ARHGEF7: variants seen among roughly 807,000 people sequenced by gnomAD.
The protein encoded by ARHGEF7 is Rho guanine nucleotide exchange factor 7.
A neutral mutation model predicts 109.8 loss-of-function variants in ARHGEF7; 33 were observed. The observed-to-expected ratio is 0.30, with a 90% CI of 0.23 to 0.40. The LOEUF (loss-of-function observed/expected upper bound fraction) is 0.40, where lower values mean the gene tolerates loss of function less well. Ranked by LOEUF, ARHGEF7 falls within the 10% of genes least tolerant of loss-of-function variation. The probability of loss-of-function intolerance (pLI) is 1.00; values close to 1 mark genes in which losing one functional copy is unlikely to be tolerated. For synonymous variants in ARHGEF7, 458 were observed against 424.6 expected, an observed-to-expected ratio of 1.08 and a Z score of -0.97; for missense variants, 938 against 1,098.5, an observed-to-expected ratio of 0.85 and a Z score of 2.07.
intron 17 of ARHGEF7, among the ~76,000 whole-genome samples, chr13:111,286,571 T>C (rs760074419): frequency 6.6e-6 from 1 of 152,200 alleles, no homozygotes; most frequent in Non-Finnish European, 1.5e-5. Context: ...CCACACTTCC[T>C]GAAGTGCCAG....
At chr13:111,198,061 G>A (rs1021628064) in intron 2 of ARHGEF7, among the ~76,000 whole-genome samples, 4 of 152,054 alleles carry the variant, frequency 2.6e-5, no homozygotes, top group Non-Finnish European at 5.9e-5. Context: ...TCTGTTGACC[G>A]TTGGCTCAGC....
intron 2 of ARHGEF7, among the ~76,000 whole-genome samples, chr13:111,192,461 C>T (rs769025430): frequency 8.5e-5 from 13 of 152,232 alleles, no homozygotes; most frequent in South Asian, 8.3e-4. Context: ...CGAAGTTGGC[C>T]GTTTCCTGAT....
intron 6 of ARHGEF7, 95 bp from the exon 7 acceptor site, chr13:111,243,777 A>G: frequency 1.3e-6 from 1 of 748,192 alleles, no homozygotes; most frequent in Non-Finnish European, 2.2e-6. Context: ...AACAGTGTGA[A>G]TTGAACAATG....
At chr13:111,133,795 ATATATATATATAT>A (rs1566606848) in intron 1 of ARHGEF7, among the ~76,000 whole-genome samples, 2,975 of 48,140 alleles carry the variant, frequency 0.062, 220 homozygotes, top group East Asian at 0.086. Context: ...ATATATATAT[ATATATATATATAT>A]ATATATTTAT....
chr13:111,226,676 A>G (rs2153516053), intron 5 of ARHGEF7, among the ~76,000 whole-genome samples: 1 of 152,354 alleles, frequency 6.6e-6, no homozygotes, highest in South Asian at 2.1e-4. Flanking sequence ...GGAGACATAC[A>G]AAGAAATTAA....
chr13:111,134,862 C>T (rs1440798865), intron 1 of ARHGEF7, among the ~76,000 whole-genome samples: 1 of 152,110 alleles, frequency 6.6e-6, no homozygotes, highest in African/African-American at 2.4e-5. Context: ...TCATGAAGTC[C>T]TTGCCCATGC....
chr13:111,126,545 G>T (rs966453914), intron 1 of ARHGEF7, among the ~76,000 whole-genome samples: 1 of 151,392 alleles, frequency 6.6e-6, no homozygotes. Flanking sequence ...CTTGTGACTT[G>T]TGACAAAGGT....
At chr13:111,225,264 A>G (rs2085039279) in intron 5 of ARHGEF7, among the ~76,000 whole-genome samples, 1 of 152,058 alleles carries the variant, frequency 6.6e-6, no homozygotes, top group African/African-American at 2.4e-5. Context: ...TTTTATTTGC[A>G]TTTATGCTTA....
At chr13:111,295,748 A>G (rs1252193310) in intron 19 of ARHGEF7, among the ~76,000 whole-genome samples, 1 of 152,226 alleles carries the variant, frequency 6.6e-6, no homozygotes, top group Non-Finnish European at 1.5e-5. Flanking sequence ...AATGGCCTAG[A>G]TGACTTTTGG....
At chr13:111,234,627 C>T (rs1344660982) in intron 6 of ARHGEF7, among the ~76,000 whole-genome samples, 2 of 152,224 alleles carry the variant, frequency 1.3e-5, no homozygotes, top group African/African-American at 4.8e-5. Flanking sequence ...CATGCCACTT[C>T]TCTTACATTA....
chr13:111,224,272 G>A (rs1016574960), intron 5 of ARHGEF7, among the ~76,000 whole-genome samples: 3 of 134,692 alleles, frequency 2.2e-5, no homozygotes, highest in African/African-American at 8.4e-5. Context: ...AAGGAGAGAA[G>A]CAGCAAGGTC....
chr13:111,159,234 A>G (rs1372887658), intron 2 of ARHGEF7: 2 of 614,650 alleles, frequency 3.3e-6, no homozygotes, highest in Non-Finnish European at 5.8e-6. Context: ...TAAAAGTCTG[A>G]CTAGTATTCT....
chr13:111,249,685 G>C (rs546013822), intron 8 of ARHGEF7, among the ~76,000 whole-genome samples: 10 of 152,232 alleles, frequency 6.6e-5, no homozygotes, highest in Admixed American at 6.5e-4. Flanking sequence ...AATAGAACTC[G>C]GTTTTAGGGC....
At chr13:111,205,081 G>T (rs7317770) in intron 2 of ARHGEF7, among the ~76,000 whole-genome samples, 1 of 152,048 alleles carries the variant, frequency 6.6e-6, no homozygotes, top group African/African-American at 2.4e-5. Flanking sequence ...GCCTAATGCC[G>T]AGGGGGGACC....
intron 19 of ARHGEF7, among the ~76,000 whole-genome samples, chr13:111,298,745 C>T (rs1480819343): frequency 1.3e-5 from 2 of 152,242 alleles, no homozygotes; most frequent in Non-Finnish European, 2.9e-5. Context: ...ATGTGAGGAG[C>T]TGGGCCCTCT....
rs957526929 is a variant in ARHGEF7 at position 111,272,139 on chromosome 13, T to TC, written c.1074-1672dup. ...GAATCGGTTTCATTGGAGGACATTC[T>TC]CCCTGGCTGCCCTGGCAGGGGATCC... On this transcript the variant is annotated intron_variant, in intron 9 of 21. Coordinates refer to ENST00000646102, the MANE Select transcript of ARHGEF7 (RefSeq NM_001354046.2). The surrounding 1 kb of genome is among the most constrained non-coding windows in gnomAD (Gnocchi z 5.2). Among the ~76,000 whole-genome samples the TC allele has an allele frequency of 6.6e-6, 1 of 152,210 alleles. No homozygotes were observed. The highest frequency in any genetic ancestry group is 2.4e-5 in the African/African-American group (1 of 41,460).
At chr13:111,124,969 A>T (rs1445338113) in intron 1 of ARHGEF7, among the ~76,000 whole-genome samples, 2 of 152,170 alleles carry the variant, frequency 1.3e-5, no homozygotes, top group African/African-American at 4.8e-5. Context: ...CATGTTGGCC[A>T]GGCTGGTCTC....
intron 8 of ARHGEF7, among the ~76,000 whole-genome samples, chr13:111,264,671 A>G (rs1392016888): frequency 6.6e-6 from 1 of 152,198 alleles, no homozygotes; most frequent in African/African-American, 2.4e-5. Flanking sequence ...TAAGAGAGGG[A>G]GAGAGATGGA....
At chr13:111,245,504 G>T (rs753129500) in intron 8 of ARHGEF7, among the ~76,000 whole-genome samples, 2 of 152,112 alleles carry the variant, frequency 1.3e-5, no homozygotes, top group Non-Finnish European at 2.9e-5. Context: ...TTCAAATGCC[G>T]ATCAACTGTA....
Sources: allele counts gnomAD v4.1 joint callset (sites outside exome capture counted in the v4.1 genomes callset), GRCh38; gene constraint gnomAD v4.1.1; non-coding constraint Gnocchi (gnomAD v3.1); transcripts MANE v1.5; gene names NCBI Gene and HGNC (gene_info 2026-07-23, HGNC 2026-07-21).